DAP: variants seen among roughly 807,000 people sequenced by gnomAD.
The protein encoded by DAP is death-associated protein 1.
Under a neutral mutation model 13.8 loss-of-function variants are expected in DAP, and 8 were observed. That is an observed-to-expected ratio of 0.58 (90% CI 0.34 to 1.05). The LOEUF (loss-of-function observed/expected upper bound fraction) is 1.05, where lower values mean the gene tolerates loss of function less well. DAP is among the 50% of genes least tolerant of loss of function. The pLI is 0.03. For missense variants in DAP, 106 were observed against 133.2 expected (o/e 0.80, Z 1.01); for synonymous variants, 47 against 47.5 (o/e 0.99, Z 0.04).
intron 1 of DAP, among the ~76,000 whole-genome samples, chr5:10,749,170 C>T (rs943739477): frequency 6.6e-6 from 1 of 152,248 alleles, no homozygotes; most frequent in African/African-American, 2.4e-5. Context: ...GTCAAATATT[C>T]TATTGCATGG....
chr5:10,679,924 G>C lies in DAP; in HGVS notation c.*1132C>G, dbSNP rs1737938537. 6.6e-6 allele frequency: 1 copy of C among 152,442 alleles called. No homozygotes were observed. Among genetic ancestry groups the C allele is most frequent in the African/African-American group, 2.4e-5 (1 of 41,460 alleles). 9.4% of individuals were successfully genotyped at this position (152,442 alleles called of 1,614,324 possible). ...CAAGCACTGTTCTGGAGTTTCGTCT[G>C]ACTAGGTGAACCCTCTGGCTTTTCG... On this transcript the variant is annotated 3_prime_UTR_variant, in exon 4 of 4. Coordinates refer to ENST00000230895, the MANE Select transcript of DAP (RefSeq NM_004394.3).
chr5:10,742,111 C>A (rs74738727), intron 2 of DAP, among the ~76,000 whole-genome samples: 2 of 151,634 alleles, frequency 1.3e-5, no homozygotes, highest in Non-Finnish European at 2.9e-5. Context: ...ATTCTAGTTA[C>A]CTCCTTTCTT....
chr5:10,748,771 A>G (rs1739974218), intron 1 of DAP, among the ~76,000 whole-genome samples: 1 of 152,238 alleles, frequency 6.6e-6, no homozygotes. Context: ...CTTTGCCCAA[A>G]CTGTGCTGTG....
chr5:10,722,017 T>C (rs1470147847), intron 2 of DAP, among the ~76,000 whole-genome samples: 4 of 152,324 alleles, frequency 2.6e-5, no homozygotes, highest in African/African-American at 9.6e-5. Context: ...AGTTGTATTA[T>C]GTTAGGTGTA....
intron 1 of DAP, among the ~76,000 whole-genome samples, chr5:10,754,573 G>C (rs1331699776): frequency 6.6e-6 from 1 of 152,188 alleles, no homozygotes; most frequent in Non-Finnish European, 1.5e-5. Flanking sequence ...CCTTGACATA[G>C]TTTCTGACCC....
chr5:10,684,362 C>CA (rs1270678886), intron 2 of DAP, among the ~76,000 whole-genome samples: 2 of 152,146 alleles, frequency 1.3e-5, no homozygotes, highest in African/African-American at 4.8e-5. Context: ...CTGAGCATTA[C>CA]AAATATAAGG....
intron 2 of DAP, among the ~76,000 whole-genome samples, chr5:10,699,369 T>C (rs2126644125): frequency 6.6e-6 from 1 of 152,350 alleles, no homozygotes; most frequent in African/African-American, 2.4e-5. Flanking sequence ...TTCTTCCTCC[T>C]CTCCACTAAC....
intron 2 of DAP, among the ~76,000 whole-genome samples, chr5:10,730,732 A>G (rs1739434483): frequency 1.2e-5 from 1 of 81,294 alleles, no homozygotes; most frequent in African/African-American, 5.0e-5. Flanking sequence ...TTCTGTACTG[A>G]GAGCCCTGGT....
intron 2 of DAP, among the ~76,000 whole-genome samples, chr5:10,688,967 G>A (rs888729946): frequency 9.2e-5 from 14 of 152,310 alleles, no homozygotes; most frequent in African/African-American, 3.1e-4. Flanking sequence ...CTGGTCCCCT[G>A]TGTGCACTGA....
chr5:10,734,921 G>A (rs1019080489), intron 2 of DAP, among the ~76,000 whole-genome samples: 1 of 152,116 alleles, frequency 6.6e-6, no homozygotes, highest in Non-Finnish European at 1.5e-5. Flanking sequence ...TGGCCCCCAG[G>A]CAGACTGTCC....
intron 2 of DAP, among the ~76,000 whole-genome samples, chr5:10,715,628 A>G (rs1738965279): frequency 1.3e-5 from 2 of 152,256 alleles, no homozygotes; most frequent in Non-Finnish European, 2.9e-5. Context: ...TCTCAGAAGC[A>G]AAAGAAAAAT....
At chr5:10,748,851 A>G (rs1261065016) in intron 1 of DAP, among the ~76,000 whole-genome samples, 1 of 152,234 alleles carries the variant, frequency 6.6e-6, no homozygotes, top group Non-Finnish European at 1.5e-5. Context: ...TTCATGTAGA[A>G]TACAATTCAT....
chr5:10,693,281 T>C (rs1738352735), intron 2 of DAP, among the ~76,000 whole-genome samples: 5 of 152,250 alleles, frequency 3.3e-5, no homozygotes. Flanking sequence ...AGTTTTGACC[T>C]GGGTTCATGG....
At chr5:10,755,181 T>A (rs995687882) in intron 1 of DAP, among the ~76,000 whole-genome samples, 1 of 152,114 alleles carries the variant, frequency 6.6e-6, no homozygotes, top group Non-Finnish European at 1.5e-5. Flanking sequence ...ATGTGACTGG[T>A]CATTGCTGCC....
intron 2 of DAP, among the ~76,000 whole-genome samples, chr5:10,739,635 T>C (rs946180628): frequency 2.0e-5 from 3 of 151,974 alleles, no homozygotes; most frequent in Non-Finnish European, 4.4e-5. Flanking sequence ...GGCAGGAAAA[T>C]AGACACACCT....
chr5:10,703,202 A>C (rs559652455), intron 2 of DAP, among the ~76,000 whole-genome samples: 3 of 152,348 alleles, frequency 2.0e-5, no homozygotes, highest in South Asian at 2.1e-4. Context: ...GGGTGCTCCC[A>C]AAATAGGGAG....
intron 2 of DAP, among the ~76,000 whole-genome samples, chr5:10,743,642 C>T (rs758478924): frequency 3.9e-5 from 6 of 152,156 alleles, no homozygotes; most frequent in Non-Finnish European, 5.9e-5. Context: ...AACCCTGACT[C>T]CTAAAGTCCA....
chr5:10,727,106 A>G (rs1463616395), intron 2 of DAP, among the ~76,000 whole-genome samples: 2 of 152,216 alleles, frequency 1.3e-5, no homozygotes, highest in Non-Finnish European at 2.9e-5. Flanking sequence ...ATGTCTCCTT[A>G]TACGAACATT....
At chr5:10,746,723 T>C (rs1200283388) in intron 2 of DAP, among the ~76,000 whole-genome samples, 4 of 152,190 alleles carry the variant, frequency 2.6e-5, no homozygotes, top group African/African-American at 9.7e-5. Flanking sequence ...TGGACAATAA[T>C]CACTAATAAT....
Sources: allele counts gnomAD v4.1 joint callset (sites outside exome capture counted in the v4.1 genomes callset), GRCh38; gene constraint gnomAD v4.1.1; transcripts MANE v1.5; gene names NCBI Gene and HGNC (gene_info 2026-07-23, HGNC 2026-07-21).